C8orf34: variants seen among roughly 807,000 people sequenced by gnomAD.
The protein encoded by C8orf34 is chromosome 8 open reading frame 34, also known as uncharacterized protein C8orf34.
In C8orf34, 65 loss-of-function variants were observed where a neutral mutation model predicts 68.3. That is an observed-to-expected ratio of 0.95 (90% CI 0.78 to 1.17). The LOEUF (loss-of-function observed/expected upper bound fraction) is 1.17. Among genes scored for constraint, C8orf34 ranks in the 50% most tolerant of loss-of-function variants. C8orf34 has a pLI of 0.00. For missense variants in C8orf34, 664 were observed against 655.4 expected, an observed-to-expected ratio of 1.01 and a Z score of -0.14; for synonymous variants, 244 against 241.2, an observed-to-expected ratio of 1.01 and a Z score of -0.11.
At chr8:68,375,303 G>A (rs915203478) in intron 1 of C8orf34, among the ~76,000 whole-genome samples, 8 of 152,158 alleles carry the variant, frequency 5.3e-5, no homozygotes, top group African/African-American at 1.9e-4. Flanking sequence ...TTAGGTGCAT[G>A]TATAAATTAT....
chr8:68,417,824 T>G (rs1391668632), intron 1 of C8orf34, among the ~76,000 whole-genome samples: 1 of 152,114 alleles, frequency 6.6e-6, no homozygotes, highest in Non-Finnish European at 1.5e-5. Flanking sequence ...TTTCCAATTC[T>G]GTGAAGAAAG....
At chr8:68,810,429 A>G (rs1824611916) in intron 12 of C8orf34, among the ~76,000 whole-genome samples, 1 of 152,192 alleles carries the variant, frequency 6.6e-6, no homozygotes, top group African/African-American at 2.4e-5. Flanking sequence ...AGAGCCCCAA[A>G]GAGGGTGTCA....
At chr8:68,561,444 TA>T (rs1816423819) in intron 7 of C8orf34, among the ~76,000 whole-genome samples, 1 of 152,200 alleles carries the variant, frequency 6.6e-6, no homozygotes, top group Non-Finnish European at 1.5e-5. Context: ...TAAAAATTTT[TA>T]AAACTTTTCT....
At chr8:68,381,517 G>A (rs1027124528) in intron 1 of C8orf34, among the ~76,000 whole-genome samples, 13 of 151,550 alleles carry the variant, frequency 8.6e-5, no homozygotes, top group South Asian at 8.4e-4. Context: ...TGGATCATGA[G>A]GTCAGGAGAT....
intron 10 of C8orf34, among the ~76,000 whole-genome samples, chr8:68,776,194 G>T (rs1419314011): frequency 6.6e-6 from 1 of 152,118 alleles, no homozygotes; most frequent in Non-Finnish European, 1.5e-5. Flanking sequence ...CCACTTGAAA[G>T]CTATATTGTT....
intron 12 of C8orf34, among the ~76,000 whole-genome samples, chr8:68,810,582 A>G (rs1453174659): frequency 6.6e-6 from 1 of 152,164 alleles, no homozygotes; most frequent in African/African-American, 2.4e-5. Flanking sequence ...AAGCTCTTTC[A>G]GTCCTGCTGT....
intron 1 of C8orf34, among the ~76,000 whole-genome samples, chr8:68,406,258 T>C (rs956710848): frequency 6.6e-6 from 1 of 152,098 alleles, no homozygotes; most frequent in East Asian, 1.9e-4. Flanking sequence ...CTTTCTTATA[T>C]GAAGGAAGGG....
chr8:68,497,393 A>G (rs563726468), intron 5 of C8orf34, among the ~76,000 whole-genome samples: 3 of 152,216 alleles, frequency 2.0e-5, no homozygotes, highest in Non-Finnish European at 4.4e-5. Context: ...AACACAGACA[A>G]TTTCACACAT....
At chr8:68,761,117 A>C (rs1168608923) in intron 10 of C8orf34, among the ~76,000 whole-genome samples, 1 of 152,208 alleles carries the variant, frequency 6.6e-6, no homozygotes, top group African/African-American at 2.4e-5. Flanking sequence ...AGGCTATCTG[A>C]ATACTTTTCC....
At chr8:68,404,076 C>A (rs1037518502) in intron 1 of C8orf34, among the ~76,000 whole-genome samples, 8 of 152,202 alleles carry the variant, frequency 5.3e-5, no homozygotes, top group Admixed American at 3.3e-4. Context: ...TTCTTACTGG[C>A]GTGAGATGGT....
intron 1 of C8orf34, among the ~76,000 whole-genome samples, chr8:68,374,768 T>C (rs1283088385): frequency 6.6e-6 from 1 of 152,188 alleles, no homozygotes; most frequent in African/African-American, 2.4e-5. Context: ...TATTATTTTG[T>C]CTTAGGGGAA....
intron 7 of C8orf34, among the ~76,000 whole-genome samples, chr8:68,631,611 G>C (rs1353609525): frequency 6.6e-6 from 1 of 151,994 alleles, no homozygotes; most frequent in Non-Finnish European, 1.5e-5. Flanking sequence ...ATATTGTTTG[G>C]CTCTGTGTCC....
intron 10 of C8orf34, among the ~76,000 whole-genome samples, chr8:68,734,793 G>C (rs963807705): frequency 6.6e-6 from 1 of 152,092 alleles, no homozygotes; most frequent in African/African-American, 2.4e-5. Flanking sequence ...TCCAACCCAG[G>C]AGTTCCCATC....
intron 9 of C8orf34, among the ~76,000 whole-genome samples, chr8:68,719,693 A>G (rs575647640): frequency 6.6e-6 from 1 of 151,984 alleles, no homozygotes; most frequent in South Asian, 2.1e-4. Context: ...GAAGAGCTTG[A>G]GAACTTATTT....
intron 6 of C8orf34, chr8:68,525,469 T>C: frequency 1.7e-6 from 1 of 582,836 alleles, no homozygotes; most frequent in South Asian, 2.3e-5. Context: ...ACAAATTTCT[T>C]TTTGGTTTCC....
intron 3 of C8orf34, among the ~76,000 whole-genome samples, chr8:68,459,712 G>A (rs1811710510): frequency 6.6e-6 from 1 of 152,186 alleles, no homozygotes; most frequent in Non-Finnish European, 1.5e-5. Context: ...GCATTCACAT[G>A]TCTATTGCAG....
At chr8:68,717,467 TG>T (rs1278142117) in intron 9 of C8orf34, among the ~76,000 whole-genome samples, 1 of 146,572 alleles carries the variant, frequency 6.8e-6, no homozygotes, top group African/African-American at 2.6e-5. Flanking sequence ...CCCTACAGCC[TG>T]GGCGACAGAG....
chr8:68,786,478 G>A (rs9643400), intron 11 of C8orf34, among the ~76,000 whole-genome samples: 2 of 152,138 alleles, frequency 1.3e-5, no homozygotes, highest in Non-Finnish European at 2.9e-5. Flanking sequence ...TTATTACATG[G>A]TATGATTCTA....
intron 8 of C8orf34, among the ~76,000 whole-genome samples, chr8:68,643,615 C>T (rs890987572): frequency 3.3e-5 from 5 of 152,082 alleles, no homozygotes; most frequent in African/African-American, 1.2e-4. Flanking sequence ...ATGGTGTCCT[C>T]CCATGGTGGG....
Sources: allele counts gnomAD v4.1 joint callset (sites outside exome capture counted in the v4.1 genomes callset), GRCh38; gene constraint gnomAD v4.1.1; transcripts MANE v1.5; gene names NCBI Gene and HGNC (gene_info 2026-07-23, HGNC 2026-07-21).